Variants in SDK1 observed in about 807,000 individuals in gnomAD.
The protein encoded by SDK1 is protein sidekick-1.
Under a neutral mutation model 245.5 loss-of-function variants are expected in SDK1, and 157 were observed. The ratio of observed to expected loss-of-function variants is 0.64; its 90% CI spans 0.56 to 0.73. The LOEUF is 0.73. SDK1 is among the 30% of genes least tolerant of loss of function. The pLI, the probability that SDK1 is intolerant of heterozygous loss-of-function variation, is 0.00. For missense variants in SDK1, 3,583 were observed against 3,002.3 expected (o/e 1.19, Z -4.52); for synonymous variants, 1,647 against 1,278.5 (o/e 1.29, Z -6.15).
intron 1 of SDK1, among the ~76,000 whole-genome samples, chr7:3,416,779 G>A (rs972811486): frequency 2.0e-5 from 3 of 152,082 alleles, no homozygotes; most frequent in Non-Finnish European, 4.4e-5. Flanking sequence ...ACCATGCCTC[G>A]AATAAAGCCC....
intron 1 of SDK1, among the ~76,000 whole-genome samples, chr7:3,371,060 T>C (rs964372187): frequency 8.5e-5 from 13 of 152,150 alleles, no homozygotes; most frequent in Non-Finnish European, 5.9e-5. Context: ...TCCCCGTGTT[T>C]CGTGTACAAC....
At position 4,233,380 on chromosome 7, in the gene SDK1, G is replaced by A. The variant is rs781134175; in HGVS notation, c.5953G>A (p.Gly1985Ser). 1 of 1,613,582 alleles carries A rather than the reference G, an allele frequency of 6.2e-7. No individual in the cohort carries two copies. Among genetic ancestry groups the A allele is most frequent in the Non-Finnish European group, 8.5e-7 (1 of 1,180,034 alleles). Reference sequence around the variant, plus strand: ...CCGGGTGGTGGCTGTGAATGAGGCGGGCTACGGGGAGCCCAGCAACCCCTC... The same window carrying A: ...CCGGGTGGTGGCTGTGAATGAGGCGAGCTACGGGGAGCCCAGCAACCCCTC... ...EFRVVAVNEA[G>S]YGEPSNPSTA... The change falls in exon 41 of 45, where the codon GGC becomes AGC. Residue 1985 changes from glycine to serine, a missense_variant. Transcript: ENST00000404826.
chr7:4,056,670 G>A (rs1779222835), intron 19 of SDK1, among the ~76,000 whole-genome samples: 2 of 152,066 alleles, frequency 1.3e-5, no homozygotes, highest in Admixed American at 6.6e-5. Flanking sequence ...GACTCACGTA[G>A]GGAGACTCTC....
rs548989179 is a variant in SDK1, at chr7:3,382,333, G to A, written c.298+80449G>A. Among the ~76,000 whole-genome samples the A allele has an allele frequency of 5.3e-5, 8 of 152,222 alleles. No homozygotes were observed. The South Asian group carries it at 1.7e-3, about 32-fold the overall frequency. ...AAGAACTTAACATGTTCTAGATCAC[G>A]TGGCTAGTAAGTGGTGACACCAGAA... On this transcript the variant is annotated intron_variant, in intron 1 of 44. Transcript: ENST00000404826.
intron 1 of SDK1, among the ~76,000 whole-genome samples, chr7:3,330,175 G>T (rs1780033941): frequency 1.3e-5 from 2 of 152,084 alleles, no homozygotes; most frequent in African/African-American, 4.8e-5. Context: ...ATTTCATGTG[G>T]ACATATGTTT....
At chr7:3,389,635 C>T (rs976825776) in intron 1 of SDK1, among the ~76,000 whole-genome samples, 1 of 152,124 alleles carries the variant, frequency 6.6e-6, no homozygotes, top group Non-Finnish European at 1.5e-5. Context: ...TGTGGTGGCT[C>T]AAGTCTGTAG....
intron 4 of SDK1, among the ~76,000 whole-genome samples, chr7:3,805,618 T>C (rs75351542): frequency 0.038 from 5,799 of 152,328 alleles, 184 homozygotes; most frequent in Non-Finnish European, 0.059. Flanking sequence ...TGTAGACTTA[T>C]AGAGCCTTGA....
intron 14 of SDK1, among the ~76,000 whole-genome samples, chr7:4,007,305 A>G (rs895293088): frequency 1.3e-5 from 2 of 152,204 alleles, no homozygotes; most frequent in African/African-American, 4.8e-5. Context: ...AGGCAGTTGC[A>G]GAACCCCAGA....
intron 5 of SDK1, among the ~76,000 whole-genome samples, chr7:3,949,416 C>T (rs1282980471): frequency 3.3e-5 from 5 of 152,212 alleles, no homozygotes; most frequent in Non-Finnish European, 2.9e-5. Flanking sequence ...AGAAGCCCGT[C>T]GTCTCTTTCC....
chr7:3,471,970 T>C (rs930067408), intron 1 of SDK1, among the ~76,000 whole-genome samples: 5 of 152,194 alleles, frequency 3.3e-5, no homozygotes, highest in African/African-American at 1.2e-4. Flanking sequence ...CATAGTCACT[T>C]TTACTTGAAG....
chr7:3,377,724 G>T (rs940577761), intron 1 of SDK1, among the ~76,000 whole-genome samples: 1 of 151,784 alleles, frequency 6.6e-6, no homozygotes, highest in Admixed American at 6.6e-5. Flanking sequence ...GCTGTGTGTG[G>T]GGGTGCTTCC....
intron 4 of SDK1, among the ~76,000 whole-genome samples, chr7:3,725,983 A>C (rs1349421349): frequency 6.6e-6 from 1 of 152,238 alleles, no homozygotes; most frequent in Non-Finnish European, 1.5e-5. Flanking sequence ...ATCTCAGTGC[A>C]AGACGGACAC....
chr7:3,809,444 G>A (rs6978305), intron 4 of SDK1, among the ~76,000 whole-genome samples: 30,015 of 152,098 alleles, frequency 0.2, 3,210 homozygotes, highest in Middle Eastern at 0.37. Flanking sequence ...TGCTCGAGGT[G>A]CTGTGAGTCT....
intron 4 of SDK1, among the ~76,000 whole-genome samples, chr7:3,661,743 C>T (rs561951810): frequency 3.3e-5 from 5 of 152,230 alleles, no homozygotes; most frequent in East Asian, 1.9e-4. Context: ...AATGTAAACT[C>T]GGAAACCAGG....
intron 4 of SDK1, among the ~76,000 whole-genome samples, chr7:3,766,921 A>G (rs1028406616): frequency 3.9e-5 from 6 of 152,220 alleles, no homozygotes; most frequent in African/African-American, 1.4e-4. Context: ...AAGTGGTTCT[A>G]TTTAAATTCC....
chr7:3,719,109 C>G (rs985978047), intron 4 of SDK1, among the ~76,000 whole-genome samples: 2 of 151,958 alleles, frequency 1.3e-5, no homozygotes, highest in African/African-American at 4.8e-5. Context: ...ATAGGTATAC[C>G]CAAGTCTGTA....
Position 3,883,113 on chromosome 7 carries a change from C to G in SDK1, c.847+61530C>G, listed in dbSNP as rs1781247092. ...CTGGTTTCTACAGAGCCCACGGGTT[C>G]CAGGGAGGTGCCTAGAGGTCTTCTG... On this transcript the variant is annotated intron_variant, in intron 5 of 44. Transcript: ENST00000404826. Among the ~76,000 whole-genome samples, 5 of 152,114 alleles carry G rather than the reference C, an allele frequency of 3.3e-5. No homozygotes were observed. The South Asian group carries it at 1.0e-3, about 32-fold the overall frequency.
At chr7:4,216,928 A>G (rs1784829092) in intron 38 of SDK1, among the ~76,000 whole-genome samples, 1 of 151,876 alleles carries the variant, frequency 6.6e-6, no homozygotes. Context: ...TCTAGGGAAC[A>G]CTCCTCGAAC....
chr7:3,440,021 A>G (rs73036731), intron 1 of SDK1, among the ~76,000 whole-genome samples: 27,169 of 152,184 alleles, frequency 0.18, 2,437 homozygotes, highest in South Asian at 0.22. Flanking sequence ...ATATGCTTTG[A>G]CATATTCACA....
Sources: gnomAD v4.1 joint callset for allele counts (sites outside exome capture counted in the v4.1 genomes callset) on GRCh38, gnomAD v4.1.1 for gene constraint, MANE v1.5 for transcripts, NCBI Gene and HGNC (gene_info 2026-07-23, HGNC 2026-07-21) for gene names.